Variants in UNC5D observed in about 807,000 individuals in gnomAD.
The protein encoded by UNC5D is unc-5 netrin receptor D.
A neutral mutation model predicts 105.4 loss-of-function variants in UNC5D; 39 were observed. The ratio of observed to expected loss-of-function variants is 0.37; its 90% CI spans 0.29 to 0.48. The LOEUF is 0.48. Among genes scored for constraint, UNC5D ranks in the 20% least tolerant of loss-of-function variants. The probability of loss-of-function intolerance (pLI) is 0.98; values close to 1 mark genes in which losing one functional copy is unlikely to be tolerated. For missense variants in UNC5D, 991 were observed against 1,202.4 expected (o/e 0.82, Z 2.60); for synonymous variants, 452 against 450.4 (o/e 1.00, Z -0.04).
chr8:35,528,042 T>G (rs1210536793), intron 1 of UNC5D, among the ~76,000 whole-genome samples: 3 of 147,784 alleles, frequency 2.0e-5, no homozygotes, highest in African/African-American at 7.7e-5. Context: ...ACAGCTGGTT[T>G]TTTTTTTTTT....
intron 1 of UNC5D, among the ~76,000 whole-genome samples, chr8:35,431,501 T>A (rs1334474424): frequency 1.3e-5 from 2 of 152,166 alleles, no homozygotes; most frequent in Admixed American, 1.3e-4. Context: ...CAAAAAAGAA[T>A]GTTTCTAGGA....
At chr8:35,390,610 T>A (rs1442035488) in intron 1 of UNC5D, among the ~76,000 whole-genome samples, 1 of 152,200 alleles carries the variant, frequency 6.6e-6, no homozygotes, top group Non-Finnish European at 1.5e-5. Context: ...TTGTGTTAAG[T>A]AAACACAACC....
intron 1 of UNC5D, among the ~76,000 whole-genome samples, chr8:35,342,064 G>A (rs139906036): frequency 5.9e-5 from 9 of 151,960 alleles, no homozygotes; most frequent in East Asian, 1.9e-4. Flanking sequence ...AATATTTACC[G>A]TGGATGCATT....
chr8:35,718,773 C>G (rs1828402471), intron 8 of UNC5D, among the ~76,000 whole-genome samples: 1 of 151,988 alleles, frequency 6.6e-6, no homozygotes, highest in Admixed American at 6.6e-5. Context: ...CACTGGGTAC[C>G]CTGACTGATG....
chr8:35,674,156 T>G (rs1374836702), intron 4 of UNC5D, among the ~76,000 whole-genome samples: 1 of 152,202 alleles, frequency 6.6e-6, no homozygotes, highest in Non-Finnish European at 1.5e-5. Context: ...AATGTTGCCA[T>G]TCCCAAGAAA....
At chr8:35,302,676 A>G (rs1388127956) in intron 1 of UNC5D, among the ~76,000 whole-genome samples, 1 of 152,218 alleles carries the variant, frequency 6.6e-6, no homozygotes, top group African/African-American at 2.4e-5. Flanking sequence ...GCATTTGTGA[A>G]GATCTTGTAT....
intron 1 of UNC5D, among the ~76,000 whole-genome samples, chr8:35,360,968 A>T (rs1217995860): frequency 1.3e-5 from 2 of 152,058 alleles, no homozygotes; most frequent in Non-Finnish European, 2.9e-5. Context: ...AGTTGCTTTT[A>T]AAAAGATTTT....
intron 1 of UNC5D, among the ~76,000 whole-genome samples, chr8:35,440,927 G>A (rs1807353188): frequency 6.6e-6 from 1 of 151,940 alleles, no homozygotes; most frequent in African/African-American, 2.4e-5. Flanking sequence ...TGTTCTGAGA[G>A]GAGGGTAGGG....
chr8:35,507,355 A>C (rs1812397326), intron 1 of UNC5D, among the ~76,000 whole-genome samples: 1 of 152,110 alleles, frequency 6.6e-6, no homozygotes, highest in Non-Finnish European at 1.5e-5. Context: ...GCGCCGGCCC[A>C]GGGCTTTTCT....
chr8:35,293,570 T>A lies in UNC5D; in HGVS notation c.103+57683T>A, dbSNP rs144058804. The stretch of plus-strand genomic sequence containing the variant: ...CTCTTGAATTTCTCCAAGGATCATA[T>A]CTTGAAACCCTTTCCCCCAACCTTT... On this transcript the variant is annotated intron_variant, in intron 1 of 16. Coordinates refer to ENST00000404895, the MANE Select transcript of UNC5D (RefSeq NM_080872.4). 1.0e-2 allele frequency among the ~76,000 whole-genome samples: 1,521 copies of A among 152,290 alleles called. 50 individuals carry two copies. Among genetic ancestry groups the A allele is most frequent in the Admixed American group, 0.058 (884 of 15,280 alleles).
At chr8:35,409,263 G>C (rs1452775896) in intron 1 of UNC5D, among the ~76,000 whole-genome samples, 1 of 151,950 alleles carries the variant, frequency 6.6e-6, no homozygotes, top group Admixed American at 6.6e-5. Flanking sequence ...AAATATCTAG[G>C]AGTGTGGTAA....
intron 1 of UNC5D, chr8:35,255,405 A>G (rs1450747210): frequency 6.6e-6 from 1 of 152,214 alleles, no homozygotes; most frequent in Admixed American, 6.5e-5. Context: ...TTTGTGTTAA[A>G]TGAGCTAATT....
At chr8:35,281,383 G>C (rs568837907) in intron 1 of UNC5D, among the ~76,000 whole-genome samples, 1 of 151,694 alleles carries the variant, frequency 6.6e-6, no homozygotes, top group Non-Finnish European at 1.5e-5. Flanking sequence ...TGCACCAAAT[G>C]AGTAATTACA....
chr8:35,487,595 C>A (rs529226950), intron 1 of UNC5D, among the ~76,000 whole-genome samples: 24 of 123,748 alleles, frequency 1.9e-4, no homozygotes, highest in African/African-American at 8.1e-4. Flanking sequence ...ACACACACAC[C>A]CCACAGACTG....
At chr8:35,289,174 T>A (rs995355805) in intron 1 of UNC5D, among the ~76,000 whole-genome samples, 1 of 152,114 alleles carries the variant, frequency 6.6e-6, no homozygotes, top group Non-Finnish European at 1.5e-5. Flanking sequence ...TGGTATTCCA[T>A]GCAAATGGAA....
chr8:35,523,335 G>A (rs929280577), intron 1 of UNC5D, among the ~76,000 whole-genome samples: 2 of 151,892 alleles, frequency 1.3e-5, no homozygotes, highest in Non-Finnish European at 2.9e-5. Flanking sequence ...TTCCCACTTC[G>A]ACCTCCCAAA....
Position 35,790,707 on chromosome 8 carries a change from AT to A in UNC5D, c.*148del. 1.2e-6 allele frequency: 1 copy of A among 813,642 alleles called. No individual in the cohort carries two copies. Among genetic ancestry groups the A allele is most frequent in the Non-Finnish European group, 1.9e-6 (1 of 514,868 alleles). 50.4% of individuals were successfully genotyped at this position (813,642 alleles called of 1,614,324 possible). ...GAGATTCCCCTGTTGAAGAAACTAA[AT>A]TTTATATAGGTAAAACATGTTAATA... is the stretch of plus-strand genomic sequence containing the variant. On this transcript the variant is annotated 3_prime_UTR_variant, in exon 17 of 17. Transcript: ENST00000404895.
intron 1 of UNC5D, among the ~76,000 whole-genome samples, chr8:35,502,652 A>G (rs1812045410): frequency 6.6e-6 from 1 of 151,816 alleles, no homozygotes; most frequent in South Asian, 2.1e-4. Context: ...TCTGCCTCCC[A>G]GGTTCAAGCG....
intron 1 of UNC5D, among the ~76,000 whole-genome samples, chr8:35,406,416 G>T (rs1419582580): frequency 6.6e-6 from 1 of 152,120 alleles, no homozygotes; most frequent in African/African-American, 2.4e-5. Context: ...GTGTTTCTCA[G>T]TGATAGCAAA....
Sources: gnomAD v4.1 joint callset for allele counts (sites outside exome capture counted in the v4.1 genomes callset) on GRCh38, gnomAD v4.1.1 for gene constraint, MANE v1.5 for transcripts, NCBI Gene and HGNC (gene_info 2026-07-23, HGNC 2026-07-21) for gene names.